Variants in NUP98 observed in about 807,000 individuals in gnomAD.
The protein encoded by NUP98 is nuclear pore complex protein Nup98-Nup96.
Under a neutral mutation model 191.9 loss-of-function variants are expected in NUP98, and 26 were observed. That is an observed-to-expected ratio of 0.14 (90% CI 0.10 to 0.19). The LOEUF is 0.19. Among genes scored for constraint, NUP98 ranks in the 10% least tolerant of loss-of-function variants. The pLI, the probability that NUP98 is intolerant of heterozygous loss-of-function variation, is 1.00. For missense variants in NUP98, 1,941 were observed against 2,178.8 expected, an observed-to-expected ratio of 0.89 and a Z score of 2.17; for synonymous variants, 808 against 778.4, an observed-to-expected ratio of 1.04 and a Z score of -0.63.
intron 19 of NUP98, 40 bp downstream of exon 19, chr11:3,713,776 AAT>A: frequency 6.4e-7 from 1 of 1,566,264 alleles, no homozygotes; most frequent in Non-Finnish European, 8.7e-7. Context: ...TGTGACTCCA[AAT>A]ATAGTTTATA....
chr11:3,743,940 T>A (rs985354804), intron 12 of NUP98, among the ~76,000 whole-genome samples: 3 of 151,808 alleles, frequency 2.0e-5, no homozygotes, highest in African/African-American at 7.3e-5. Flanking sequence ...GCACCTGTAA[T>A]CCCAGCTACT....
chr11:3,752,600 A>T (rs995124889), intron 11 of NUP98, among the ~76,000 whole-genome samples: 10 of 152,240 alleles, frequency 6.6e-5, no homozygotes, highest in East Asian at 3.9e-4. Flanking sequence ...GGAAAAAAAA[A>T]ACAGATTAAC....
chr11:3,743,537 C>T (rs1334189696), intron 12 of NUP98, among the ~76,000 whole-genome samples: 1 of 148,392 alleles, frequency 6.7e-6, no homozygotes, highest in African/African-American at 2.5e-5. Context: ...GTCCCAGCTA[C>T]TCAAGAGGCT....
chr11:3,795,181 C>T (rs998759908), intron 1 of NUP98, among the ~76,000 whole-genome samples: 1 of 152,164 alleles, frequency 6.6e-6, no homozygotes, highest in Non-Finnish European at 1.5e-5. Flanking sequence ...TGGCTCATAC[C>T]TGTAATCCCA....
Position 3,706,580 on chromosome 11 carries a change from G to A in NUP98, c.2790C>T (p.Asp930=). The A allele has an allele frequency of 6.2e-7, 1 of 1,614,034 alleles. No individual in the cohort carries two copies. Among genetic ancestry groups the A allele is most frequent in the African/African-American group, 1.3e-5 (1 of 75,028 alleles). Residue 930 remains aspartate (D), a synonymous_variant, in exon 21 of 33, where the codon GAC becomes GAT. Transcript: ENST00000324932. ...VEQLGRVVEL[D]SDMVDITQEP... ...CCTGGGTGATATCTACCATGTCACT[G>A]TCCAGTTCCACAACCCTCCCTAACT...
chr11:3,774,242 TAAAAA>T (rs1343227016), intron 5 of NUP98, among the ~76,000 whole-genome samples: 1 of 135,060 alleles, frequency 7.4e-6, no homozygotes. Context: ...TACTAAAAAA[TAAAAA>T]AATAAAAAAT....
At chr11:3,683,897 C>T (rs965810014) in intron 29 of NUP98, among the ~76,000 whole-genome samples, 3 of 151,994 alleles carry the variant, frequency 2.0e-5, no homozygotes, top group South Asian at 4.2e-4. Context: ...GATCTCACAC[C>T]GGTATTAATT....
chr11:3,675,397 C>T lies in NUP98; in HGVS notation c.*762G>A. ...CCTGCCATTTTTTATCCAAACTCTGCAGGCAAATCCAGACAGAGTCTCAGC... is the reference window on the plus strand; with the variant it reads ...CCTGCCATTTTTTATCCAAACTCTGTAGGCAAATCCAGACAGAGTCTCAGC... On this transcript the variant is annotated 3_prime_UTR_variant, in exon 33 of 33. Transcript: ENST00000324932. The T allele has an allele frequency of 4.5e-6, 1 of 224,258 alleles. No homozygotes were observed. The highest frequency in any genetic ancestry group is 8.9e-6 in the Non-Finnish European group (1 of 112,848). 13.9% of individuals were successfully genotyped at this position (224,258 alleles called of 1,614,324 possible).
Position 3,714,038 on chromosome 11 carries a change from C to T in NUP98, c.2400-43G>A, listed in dbSNP as rs115020562. On this transcript the variant is annotated intron_variant, in intron 18 of 32. Transcript: ENST00000324932. ...TTAAAGTAACCAATTAAAGTAAAAG[C>T]GCTTCATATATAAGACCAGAAAGCC... The T allele has an allele frequency of 6.9e-5, 110 of 1,588,356 alleles. No homozygotes were observed. The African/African-American group carries it at 7.6e-4, about 11-fold the overall frequency.
At chr11:3,782,013 TCC>T in intron 2 of NUP98, 27 bp downstream of exon 2, 1 of 1,524,066 alleles carries the variant, frequency 6.6e-7, no homozygotes, top group Non-Finnish European at 9.1e-7. Flanking sequence ...TTAAGGTTTC[TCC>T]CTCTTTTGTC....
At chr11:3,754,682 C>G (rs545775476) in intron 10 of NUP98, among the ~76,000 whole-genome samples, 1 of 152,076 alleles carries the variant, frequency 6.6e-6, no homozygotes, top group Non-Finnish European at 1.5e-5. Flanking sequence ...TGGCTCACAA[C>G]TGTAATCCCA....
Position 3,791,533 on chromosome 11 carries a change from C to CAAAAA in NUP98, c.-29+5862_-29+5866dup, listed in dbSNP as rs71041395. On this transcript the variant is annotated intron_variant, in intron 1 of 32. Coordinates refer to ENST00000324932, the MANE Select transcript of NUP98 (RefSeq NM_016320.5). Reference sequence around the variant, plus strand: ...TGGGGGAAAGACCGAGACCTCGTCTCAAAAAAAAAAAAAAAAAAAAAAAAA... The same window carrying CAAAAA: ...TGGGGGAAAGACCGAGACCTCGTCTCAAAAAAAAAAAAAAAAAAAAAAAAAAAAAA... 8.6e-3 allele frequency among the ~76,000 whole-genome samples: 574 copies of CAAAAA among 66,908 alleles called. 5 individuals carry two copies. The highest frequency in any genetic ancestry group is 0.015 in the African/African-American group (238 of 16,124). The allele number at this position is 66,908 out of a possible 152,430, so 43.9% of individuals were successfully genotyped here.
intron 5 of NUP98, among the ~76,000 whole-genome samples, chr11:3,774,507 T>C (rs917094526): frequency 6.7e-6 from 1 of 149,710 alleles, no homozygotes; most frequent in Non-Finnish European, 1.5e-5. Flanking sequence ...GGTGGATCAC[T>C]TGAGGTCAGG....
chr11:3,787,829 T>C (rs1042205211), intron 1 of NUP98, among the ~76,000 whole-genome samples: 1 of 151,830 alleles, frequency 6.6e-6, no homozygotes, highest in African/African-American at 2.4e-5. Context: ...CCGTCTCTAC[T>C]GAAAATACAA....
At chr11:3,755,046 T>A (rs917286357) in intron 10 of NUP98, among the ~76,000 whole-genome samples, 2 of 152,054 alleles carry the variant, frequency 1.3e-5, no homozygotes, top group Non-Finnish European at 2.9e-5. Context: ...AGTTTCATTA[T>A]TCTTTTTGTA....
In NUP98 at chr11:3,695,460, C is replaced by A; in HGVS notation, c.4156G>T (p.Ala1386Ser). ...DERLRIFALL[A>S]GKPVWQLSEK... is the part of the protein sequence containing the mutation. ...AAAGTAGAAGATACCGGTTTTCCAG[C>A]CAACAGAGCAAAGATGCGCAGTCTC... Residue 1386 changes from alanine to serine, a missense_variant, in exon 26 of 33, where the codon GCT becomes TCT. By Grantham distance (99) the Ala-to-Ser change is moderately conservative. Transcript: ENST00000324932. 3 of 1,547,188 alleles carry A rather than the reference C, an allele frequency of 1.9e-6. No individual in the cohort carries two copies. Among genetic ancestry groups the A allele is most frequent in the Non-Finnish European group, 2.6e-6 (3 of 1,146,888 alleles).
At chr11:3,687,276 T>C (rs1168399274) in intron 28 of NUP98, among the ~76,000 whole-genome samples, 1 of 152,180 alleles carries the variant, frequency 6.6e-6, no homozygotes, top group Non-Finnish European at 1.5e-5. Flanking sequence ...GATGTATTCC[T>C]GGATACAAGT....
At chr11:3,796,107 G>A (rs921846528) in intron 1 of NUP98, among the ~76,000 whole-genome samples, 2 of 152,066 alleles carry the variant, frequency 1.3e-5, no homozygotes, top group African/African-American at 2.4e-5. Flanking sequence ...GTTTCTTTTC[G>A]AATTTGTAAG....
chr11:3,775,684 C>A (rs2081693876), intron 5 of NUP98, among the ~76,000 whole-genome samples, 198 bp downstream of exon 5: 1 of 151,816 alleles, frequency 6.6e-6, no homozygotes, highest in Non-Finnish European at 1.5e-5. Flanking sequence ...GAGCCTAATT[C>A]AAATATACAT....
Sources: allele counts gnomAD v4.1 joint callset (sites outside exome capture counted in the v4.1 genomes callset), GRCh38; gene constraint gnomAD v4.1.1; transcripts MANE v1.5; gene names NCBI Gene and HGNC (gene_info 2026-07-23, HGNC 2026-07-21).